Variants in CRACR2A observed in about 807,000 individuals in gnomAD.
The protein encoded by CRACR2A is calcium release activated channel regulator 2A.
A neutral mutation model predicts 90.5 loss-of-function variants in CRACR2A; 79 were observed. That is an observed-to-expected ratio of 0.87 (90% confidence interval 0.73 to 1.05). CRACR2A has a LOEUF of 1.05. Ranked by LOEUF, CRACR2A falls within the 50% of genes least tolerant of loss-of-function variation. The pLI, the probability that CRACR2A is intolerant of heterozygous loss-of-function variation, is 0.00. For missense variants in CRACR2A, 823 were observed against 897.2 expected (o/e 0.92, Z 1.06); for synonymous variants, 338 against 356.7 (o/e 0.95, Z 0.59).
At chr12:3,702,550 T>A (rs1187357970) in intron 3 of CRACR2A, among the ~76,000 whole-genome samples, 1 of 152,188 alleles carries the variant, frequency 6.6e-6, no homozygotes, top group Non-Finnish European at 1.5e-5. Context: ...TTTGCAATTG[T>A]ATAAAAATAT....
chr12:3,620,625 C>A (rs1239335939), intron 17 of CRACR2A, among the ~76,000 whole-genome samples: 2 of 152,232 alleles, frequency 1.3e-5, no homozygotes, highest in East Asian at 1.9e-4. Flanking sequence ...ACCATAAGCA[C>A]TGAATTATGA....
chr12:3,640,648 A>G, intron 13 of CRACR2A: 1 of 1,305,412 alleles, frequency 7.7e-7, no homozygotes, highest in Non-Finnish European at 1.0e-6. Context: ...CAAAGGTTTT[A>G]CTGATGAGCT....
rs1591664438 is a variant in CRACR2A, at chr12:3,659,581, C to T, written c.745G>A (p.Glu249Lys). 3 of 1,614,110 alleles carry T rather than the reference C, an allele frequency of 1.9e-6. No individual in the cohort carries two copies. Among genetic ancestry groups the T allele is most frequent in the Non-Finnish European group, 2.5e-6 (3 of 1,180,006 alleles). Residue 249 changes from glutamate (E) to lysine (K), a missense_variant, in exon 8 of 20, where the codon GAG becomes AAG. By Grantham distance (56) the Glu-to-Lys change is moderately conservative. Transcript: ENST00000440314. ...ACACTTACCTTCAGGAGAAACTGCT[C>T]CTTCTCACTTTTGATTTGTTGTTCC... is the stretch of plus-strand genomic sequence containing the variant. Reference protein sequence around the residue: ...EMEQQIKSEKEQFLLKDTERF... With the variant: ...EMEQQIKSEKKQFLLKDTERF...
At chr12:3,644,211 T>C (rs910966097) in intron 12 of CRACR2A, among the ~76,000 whole-genome samples, 2 of 151,784 alleles carry the variant, frequency 1.3e-5, no homozygotes, top group Non-Finnish European at 2.9e-5. Context: ...TATGACAGTA[T>C]AAAATGCAAA....
chr12:3,664,728 C>T (rs564541268), intron 7 of CRACR2A, among the ~76,000 whole-genome samples: 5 of 152,296 alleles, frequency 3.3e-5, no homozygotes, highest in South Asian at 2.1e-4. Flanking sequence ...TCCTTCTGGC[C>T]GGGCACAGTG....
chr12:3,701,147 T>A, intron 3 of CRACR2A, among the ~76,000 whole-genome samples: 1 of 150,730 alleles, frequency 6.6e-6, no homozygotes, highest in Admixed American at 6.6e-5. Context: ...AATGAAAAAA[T>A]ATATTGAACT....
At chr12:3,681,515 C>T (rs1357718936) in intron 4 of CRACR2A, among the ~76,000 whole-genome samples, 1 of 152,178 alleles carries the variant, frequency 6.6e-6, no homozygotes, top group African/African-American at 2.4e-5. Context: ...GGCTAACTTG[C>T]ATAGATGAAG....
intron 8 of CRACR2A, 56 bp from the exon 9 acceptor site, chr12:3,656,462 A>G (rs1474986043): frequency 6.4e-6 from 10 of 1,563,692 alleles, no homozygotes; most frequent in East Asian, 2.2e-5. Context: ...CCCGGGTTAT[A>G]GATTTTTTTT....
chr12:3,638,808 C>A (rs1159841340), intron 13 of CRACR2A, among the ~76,000 whole-genome samples: 1 of 152,196 alleles, frequency 6.6e-6, no homozygotes, highest in African/African-American at 2.4e-5. Flanking sequence ...ACATCCTTTA[C>A]AAATTGTGAG....
intron 1 of CRACR2A, among the ~76,000 whole-genome samples, chr12:3,743,702 T>C (rs2137907365): frequency 6.6e-6 from 1 of 152,196 alleles, no homozygotes; most frequent in African/African-American, 2.4e-5. Flanking sequence ...TTTGACAAAT[T>C]ATCTTATTAT....
At chr12:3,747,044 G>C (rs1458162062) in intron 1 of CRACR2A, among the ~76,000 whole-genome samples, 1 of 152,214 alleles carries the variant, frequency 6.6e-6, no homozygotes, top group Non-Finnish European at 1.5e-5. Context: ...AGGTTTAGAG[G>C]CTAATCCCAA....
chr12:3,688,888 T>G (rs114949999), intron 4 of CRACR2A, among the ~76,000 whole-genome samples: 1 of 152,164 alleles, frequency 6.6e-6, no homozygotes, highest in Non-Finnish European at 1.5e-5. Context: ...GTTCTCCTTA[T>G]ACAGATCTTT....
intron 2 of CRACR2A, among the ~76,000 whole-genome samples, chr12:3,720,155 AAGAG>A (rs1240702060): frequency 1.4e-4 from 17 of 122,214 alleles, no homozygotes; most frequent in African/African-American, 4.0e-4. Context: ...GAAAGAAAGA[AAGAG>A]AGAGAGAGAA....
chr12:3,636,329 T>C (rs1242100872), intron 14 of CRACR2A, among the ~76,000 whole-genome samples: 1 of 152,206 alleles, frequency 6.6e-6, no homozygotes, highest in Non-Finnish European at 1.5e-5. Flanking sequence ...CTGGAGCTGT[T>C]ATGTGGCTGC....
intron 4 of CRACR2A, among the ~76,000 whole-genome samples, chr12:3,684,531 A>C (rs1945518226): frequency 1.3e-5 from 2 of 152,204 alleles, no homozygotes; most frequent in African/African-American, 4.8e-5. Flanking sequence ...CGCCAGCAGC[A>C]CTTCCCTCAC....
intron 4 of CRACR2A, among the ~76,000 whole-genome samples, chr12:3,695,946 C>G (rs1329376866): frequency 6.6e-6 from 1 of 152,232 alleles, no homozygotes; most frequent in Admixed American, 6.5e-5. Flanking sequence ...CTGGGCTAAA[C>G]CAGCAATCCC....
chr12:3,720,595 T>C (rs1029447508), intron 2 of CRACR2A, among the ~76,000 whole-genome samples: 5 of 152,180 alleles, frequency 3.3e-5, no homozygotes, highest in African/African-American at 1.2e-4. Flanking sequence ...CCTCACAACA[T>C]TCTCTCTCGT....
chr12:3,673,641 G>C (rs369828948), intron 6 of CRACR2A, 49 bp from the exon 7 acceptor site: 1 of 1,593,450 alleles, frequency 6.3e-7, no homozygotes, highest in East Asian at 2.2e-5. Flanking sequence ...GAGGCTTCAC[G>C]GGAAATACAG....
At chr12:3,685,571 A>G (rs11062762) in intron 4 of CRACR2A, among the ~76,000 whole-genome samples, 3,895 of 152,346 alleles carry the variant, frequency 0.026, 91 homozygotes, top group Middle Eastern at 0.075. Context: ...ATATTCTGAC[A>G]CATGCTACGA....
Sources: gnomAD v4.1 joint callset for allele counts (sites outside exome capture counted in the v4.1 genomes callset) on GRCh38, gnomAD v4.1.1 for gene constraint, MANE v1.5 for transcripts, NCBI Gene and HGNC (gene_info 2026-07-23, HGNC 2026-07-21) for gene names.